The following COL5A2 variants were observed in gnomAD, a reference collection of about 807,000 sequenced individuals.
The protein encoded by COL5A2 is collagen type V alpha 2 chain, also known as collagen alpha-2(V) chain.
Under a neutral mutation model 208.2 loss-of-function variants are expected in COL5A2, and 23 were observed. The observed-to-expected ratio is 0.11, with a 90% confidence interval of 0.08 to 0.16. The LOEUF is 0.16. Ranked by LOEUF, COL5A2 falls within the 10% of genes least tolerant of loss-of-function variation. The probability of loss-of-function intolerance (pLI) is 1.00; values close to 1 mark genes in which losing one functional copy is unlikely to be tolerated. For synonymous variants in COL5A2, 625 were observed against 628.5 expected (o/e 0.99, Z 0.08); for missense variants, 1,590 against 1,956.4 (o/e 0.81, Z 3.53).
chr2:189,100,095 A>C lies in COL5A2; in HGVS notation c.369+12T>G. ...TAAGGTACAAGGAAACAATGATTAT[A>C]CATATACTTACAACAGGCACTAATC... On this transcript the variant is annotated intron_variant, in intron 4 of 53. Coordinates refer to ENST00000374866, the MANE Select transcript of COL5A2 (RefSeq NM_000393.5). 1 of 1,599,744 alleles carries C rather than the reference A, an allele frequency of 6.3e-7. No individual in the cohort carries two copies. Among genetic ancestry groups the C allele is most frequent in the Non-Finnish European group, 8.6e-7 (1 of 1,167,168 alleles).
At chr2:189,276,136 A>C in the COL5A2 span, among the ~76,000 whole-genome samples, 2 of 152,322 alleles carry the variant, frequency 1.3e-5, no homozygotes, top group Middle Eastern at 6.8e-3. Context: ...ATATTGATAC[A>C]TATTTCTTCC....
chr2:189,142,686 T>C (rs1687956960), intron 1 of COL5A2, among the ~76,000 whole-genome samples: 1 of 152,202 alleles, frequency 6.6e-6, no homozygotes. Flanking sequence ...TTCTTTATAC[T>C]ATGATTACCC....
intron 1 of COL5A2, among the ~76,000 whole-genome samples, chr2:189,197,552 G>T (rs889621930): frequency 2.0e-5 from 3 of 152,064 alleles, no homozygotes; most frequent in African/African-American, 7.2e-5. Flanking sequence ...GCACACAAAA[G>T]AACTCGTATG....
At chr2:189,194,400 T>A (rs1688969680) in intron 1 of COL5A2, among the ~76,000 whole-genome samples, 1 of 152,224 alleles carries the variant, frequency 6.6e-6, no homozygotes, top group South Asian at 2.1e-4. Flanking sequence ...ATTTACAACA[T>A]TTATTTCTCT....
At chr2:189,042,133 A>T (rs1187728137) in intron 49 of COL5A2, among the ~76,000 whole-genome samples, 1 of 152,172 alleles carries the variant, frequency 6.6e-6, no homozygotes, top group Non-Finnish European at 1.5e-5. Context: ...ATATACCAAG[A>T]TTCTTTAAAT....
intron 1 of COL5A2, among the ~76,000 whole-genome samples, chr2:189,214,621 T>A (rs1023905097): frequency 6.6e-6 from 1 of 152,146 alleles, no homozygotes; most frequent in Non-Finnish European, 1.5e-5. Flanking sequence ...CCTGTGTAAT[T>A]TGCGAAAGGC....
the COL5A2 span, among the ~76,000 whole-genome samples, chr2:189,417,512 A>C: frequency 8.1e-4 from 123 of 151,838 alleles, no homozygotes; most frequent in African/African-American, 2.9e-3. Context: ...TATTTTGTTT[A>C]AACACAAATA....
chr2:189,205,835 C>T (rs972869766), intron 1 of COL5A2, among the ~76,000 whole-genome samples: 1 of 152,002 alleles, frequency 6.6e-6, no homozygotes, highest in African/African-American at 2.4e-5. Flanking sequence ...GTTTGTATAA[C>T]ATAATAGAAT....
intron 1 of COL5A2, among the ~76,000 whole-genome samples, chr2:189,211,817 G>C (rs1002528323): frequency 1.3e-5 from 2 of 152,134 alleles, no homozygotes; most frequent in African/African-American, 4.8e-5. Flanking sequence ...AGAGCAGCAA[G>C]AAAGTAAAAC....
At chr2:189,407,160 C>G in the COL5A2 span, among the ~76,000 whole-genome samples, 1 of 152,012 alleles carries the variant, frequency 6.6e-6, no homozygotes, top group Admixed American at 6.6e-5. Context: ...ATGTTTTTCA[C>G]TATTTTTAGG....
At chr2:189,338,159 T>C in the COL5A2 span, among the ~76,000 whole-genome samples, 1 of 152,102 alleles carries the variant, frequency 6.6e-6, no homozygotes, top group Non-Finnish European at 1.5e-5. Context: ...CATTCGAAAA[T>C]TCCCAAACCA....
chr2:189,132,444 A>C (rs1687734229), intron 1 of COL5A2, among the ~76,000 whole-genome samples: 2 of 152,226 alleles, frequency 1.3e-5, no homozygotes, highest in South Asian at 4.1e-4. Flanking sequence ...TTAAGTAAAA[A>C]CTATCTTAAC....
chr2:189,194,207 CTGCTCTA>C (rs1218760259), intron 1 of COL5A2, among the ~76,000 whole-genome samples: 1 of 152,052 alleles, frequency 6.6e-6, no homozygotes, highest in Non-Finnish European at 1.5e-5. Context: ...CTGACAAATA[CTGCTCTA>C]CACTATGGTC....
At chr2:189,249,012 A>G in the COL5A2 span, among the ~76,000 whole-genome samples, 4 of 152,228 alleles carry the variant, frequency 2.6e-5, no homozygotes, top group Admixed American at 2.6e-4. Context: ...AAATTGTACA[A>G]TTTTTTAAAA....
At chr2:189,107,117 A>G (rs1372865915) in intron 2 of COL5A2, among the ~76,000 whole-genome samples, 4 of 151,518 alleles carry the variant, frequency 2.6e-5, no homozygotes, top group Non-Finnish European at 5.9e-5. Context: ...TCAATGTTCA[A>G]GAAGAGGATT....
chr2:189,091,734 C>A (rs1686790028), intron 7 of COL5A2, among the ~76,000 whole-genome samples: 1 of 152,086 alleles, frequency 6.6e-6, no homozygotes, highest in African/African-American at 2.4e-5. Flanking sequence ...GAACTGAACC[C>A]ACAATATCTC....
At chr2:189,431,430 A>C in the COL5A2 span, among the ~76,000 whole-genome samples, 1 of 152,166 alleles carries the variant, frequency 6.6e-6, no homozygotes, top group Non-Finnish European at 1.5e-5. Flanking sequence ...CCATCACAAA[A>C]AAAGCTAAAA....
At chr2:189,169,065 A>G (rs1223315976) in intron 1 of COL5A2, among the ~76,000 whole-genome samples, 2 of 152,222 alleles carry the variant, frequency 1.3e-5, no homozygotes, top group African/African-American at 2.4e-5. Context: ...GGTCACCCCT[A>G]CTACTGTATC....
Position 189,042,918 on chromosome 2 carries a change from A to C in COL5A2, c.3472-145T>G, listed in dbSNP as rs1429691507. 11 of 853,792 alleles carry C rather than the reference A, an allele frequency of 1.3e-5. No homozygotes were observed. The East Asian group carries it at 2.9e-4, about 23-fold the overall frequency. 52.9% of individuals were successfully genotyped at this position (853,792 alleles called of 1,614,324 possible). On this transcript the variant is annotated intron_variant, in intron 48 of 53. Transcript: ENST00000374866. The stretch of plus-strand genomic sequence containing the variant: ...TCTGCAATGTCTACATGAGTTGACC[A>C]ATGTTAAAGACACCTGTAGGAGTAA...
Sources: allele counts gnomAD v4.1 joint callset (sites outside exome capture counted in the v4.1 genomes callset), GRCh38; gene constraint gnomAD v4.1.1; transcripts MANE v1.5; gene names NCBI Gene and HGNC (gene_info 2026-07-23, HGNC 2026-07-21).